SIRPA: variants seen among roughly 807,000 people sequenced by gnomAD.
SIRPA encodes signal regulatory protein alpha.
In SIRPA, 9 loss-of-function variants were observed where a neutral mutation model predicts 50.3. That is an observed-to-expected ratio of 0.18 (90% CI 0.11 to 0.31). The LOEUF (loss-of-function observed/expected upper bound fraction) is 0.31, where lower values mean the gene tolerates loss of function less well. SIRPA is among the 10% of genes least tolerant of loss of function. The pLI is 1.00. For missense variants in SIRPA, 474 were observed against 661.6 expected, an observed-to-expected ratio of 0.72 and a Z score of 3.11; for synonymous variants, 265 against 284.1, an observed-to-expected ratio of 0.93 and a Z score of 0.68.
chr20:1,937,536 G>C lies in SIRPA; in HGVS notation c.1483G>C (p.Glu495Gln). ...PAPKPEPSFS[E>Q]YASVQVPRK ...CCCCAAGCCTGAGCCGTCCTTCTCA[G>C]AGTACGCCAGCGTCCAGGTCCCGAG... is the stretch of plus-strand genomic sequence containing the variant. The change falls in exon 8 of 8, where the codon GAG becomes CAG. Residue 495 changes from glutamate to glutamine, a missense_variant. Physicochemically the swap from Glu to Gln is conservative, Grantham distance 29. Coordinates refer to ENST00000358771, the MANE Select transcript of SIRPA (RefSeq NM_001040023.2). The surrounding 1 kb of genome is among the most constrained non-coding windows in gnomAD (Gnocchi z 8.3). 2 of 1,614,160 alleles carry C rather than the reference G, an allele frequency of 1.2e-6. No homozygotes were observed. Among genetic ancestry groups the C allele is most frequent in the Non-Finnish European group, 1.7e-6 (2 of 1,180,034 alleles).
Position 1,932,806 on chromosome 20 carries a change from G to C in SIRPA, c.1227-1909G>C, listed in dbSNP as rs1986365311. 6.6e-6 allele frequency among the ~76,000 whole-genome samples: 1 copy of C among 152,086 alleles called. No homozygotes were observed. The highest frequency in any genetic ancestry group is 1.5e-5 in the Non-Finnish European group (1 of 68,028). On this transcript the variant is annotated intron_variant, in intron 6 of 7. Coordinates refer to ENST00000358771, the MANE Select transcript of SIRPA (RefSeq NM_001040023.2). This position sits in a 1 kb window ranked among gnomAD's most constrained non-coding sequence, Gnocchi z 6.0. ...GAGCCCTAGGTTGGATTAGATGAGA[G>C]CTGTAAAGGAAGAGAGAGAAGAATC...
intron 1 of SIRPA, among the ~76,000 whole-genome samples, chr20:1,913,356 A>G (rs530630985): frequency 6.6e-6 from 1 of 152,248 alleles, no homozygotes; most frequent in African/African-American, 2.4e-5. Context: ...GTGAGGGCAG[A>G]TAGGGGTCTG....
chr20:1,905,860 T>C (rs534996352), intron 1 of SIRPA, among the ~76,000 whole-genome samples: 8 of 152,344 alleles, frequency 5.3e-5, no homozygotes, highest in Admixed American at 5.2e-4. Flanking sequence ...AAATGCTCCA[T>C]AGGGCTCCCA....
intron 1 of SIRPA, among the ~76,000 whole-genome samples, chr20:1,904,001 G>A (rs1425287917): frequency 6.6e-6 from 1 of 152,136 alleles, no homozygotes. Context: ...CAGTAGGTGG[G>A]TTAATAGATA....
chr20:1,928,642 G>C lies in SIRPA; in HGVS notation c.1226+743G>C, dbSNP rs925869536. Among the ~76,000 whole-genome samples, 1 of 152,166 alleles carries C rather than the reference G, an allele frequency of 6.6e-6. No homozygotes were observed. Among genetic ancestry groups the C allele is most frequent in the African/African-American group, 2.4e-5 (1 of 41,426 alleles). ...AGGAGATGGAGGTGAATGGTGGGGG[G>C]CTGTCTTAGGCAGAGGAAGGGACTG... On this transcript the variant is annotated intron_variant, in intron 6 of 7. Coordinates refer to ENST00000358771, the MANE Select transcript of SIRPA (RefSeq NM_001040023.2). This position sits in a 1 kb window ranked among gnomAD's most constrained non-coding sequence, Gnocchi z 4.9.
intron 1 of SIRPA, among the ~76,000 whole-genome samples, chr20:1,913,402 T>C (rs1267480951): frequency 2.6e-5 from 4 of 152,164 alleles, no homozygotes; most frequent in Admixed American, 6.5e-5. Flanking sequence ...CCCCTGCCAG[T>C]GGGGTGGTGC....
chr20:1,918,360 C>CTT (rs60736526), intron 2 of SIRPA, among the ~76,000 whole-genome samples: 158 of 95,666 alleles, frequency 1.7e-3, no homozygotes, highest in Non-Finnish European at 2.5e-3. Flanking sequence ...ACCACACCAG[C>CTT]TTTTTTTTTT....
chr20:1,914,392 A>G (rs1192177472), intron 1 of SIRPA, among the ~76,000 whole-genome samples: 1 of 152,202 alleles, frequency 6.6e-6, no homozygotes, highest in Non-Finnish European at 1.5e-5. Context: ...CCTCCCAGAG[A>G]TCCATCGAGG....
intron 1 of SIRPA, among the ~76,000 whole-genome samples, chr20:1,909,442 C>G (rs6111933): frequency 0.021 from 3,274 of 152,326 alleles, 133 homozygotes; most frequent in African/African-American, 0.074. Context: ...TCCCCATCCC[C>G]GCCTCAAGCT....
rs1250737539 is a variant in SIRPA, at chr20:1,936,574, G to T, written c.1267-746G>T. On this transcript the variant is annotated intron_variant, in intron 7 of 7. Coordinates refer to ENST00000358771, the MANE Select transcript of SIRPA (RefSeq NM_001040023.2). This position sits in a 1 kb window ranked among gnomAD's most constrained non-coding sequence, Gnocchi z 4.2. Reference sequence around the variant, plus strand: ...TAACTGGCGATCTCGTTCTTATACTGCCCCTGTTCTCTGTCTCCCTGTCCC... The same window carrying T: ...TAACTGGCGATCTCGTTCTTATACTTCCCCTGTTCTCTGTCTCCCTGTCCC... Among the ~76,000 whole-genome samples the T allele has an allele frequency of 6.6e-6, 1 of 152,142 alleles. No homozygotes were observed. The highest frequency in any genetic ancestry group is 1.9e-4 in the East Asian group (1 of 5,188).
At chr20:1,925,654 A>G (rs6045459) in intron 5 of SIRPA, among the ~76,000 whole-genome samples, 2,969 of 152,312 alleles carry the variant, frequency 0.019, 70 homozygotes, top group African/African-American at 0.064. Context: ...CCCTGGTTAT[A>G]TACTGTAAAC....
Position 1,895,413 on chromosome 20 carries a change from G to A in SIRPA, c.-35G>A. On this transcript the variant is annotated 5_prime_UTR_variant, in exon 1 of 8. Transcript: ENST00000358771. Reference sequence around the variant, plus strand: ...TGCTCCCGCCCGAGCGCGCACTCACGGCCGCTCTCCCTCCTCGCTCCGCAG... The same window carrying A: ...TGCTCCCGCCCGAGCGCGCACTCACAGCCGCTCTCCCTCCTCGCTCCGCAG... 7.5e-7 allele frequency: 1 copy of A among 1,331,252 alleles called. No homozygotes were observed. Among genetic ancestry groups the A allele is most frequent in the Non-Finnish European group, 9.7e-7 (1 of 1,032,198 alleles). The allele number at this position is 1,331,252 out of a possible 1,614,324, so 82.5% of individuals were successfully genotyped here. A position where few individuals can be genotyped will look rare whatever the true frequency, so the allele number is the denominator to read the frequency against.
At chr20:1,901,984 T>C (rs552152934) in intron 1 of SIRPA, among the ~76,000 whole-genome samples, 1 of 152,164 alleles carries the variant, frequency 6.6e-6, no homozygotes, top group Non-Finnish European at 1.5e-5. Context: ...TGGAAGCCCG[T>C]GGTGGAAGGA....
At chr20:1,905,703 C>T (rs766962063) in intron 1 of SIRPA, among the ~76,000 whole-genome samples, 2 of 152,232 alleles carry the variant, frequency 1.3e-5, no homozygotes, top group Non-Finnish European at 2.9e-5. Context: ...TGTCCTCTAC[C>T]TGCTCTCTCA....
rs1329248265 is a variant in SIRPA at position 1,936,512 on chromosome 20, C to T, written c.1267-808C>T. Among the ~76,000 whole-genome samples, 4 of 152,174 alleles carry T rather than the reference C, an allele frequency of 2.6e-5. No homozygotes were observed. The highest frequency in any genetic ancestry group is 5.9e-5 in the Non-Finnish European group (4 of 68,036). ...CCCTGAGCTAGAACCAGGATTCAAACCCAGGCTTTCTGACTCCAGAACGTT... is the reference window on the plus strand; with the variant it reads ...CCCTGAGCTAGAACCAGGATTCAAATCCAGGCTTTCTGACTCCAGAACGTT... On this transcript the variant is annotated intron_variant, in intron 7 of 7. Coordinates refer to ENST00000358771, the MANE Select transcript of SIRPA (RefSeq NM_001040023.2). The surrounding 1 kb of genome is among the most constrained non-coding windows in gnomAD (Gnocchi z 4.2).
Position 1,927,643 on chromosome 20 carries a change from T to C in SIRPA, c.1202-232T>C, listed in dbSNP as rs1986059932. On this transcript the variant is annotated intron_variant, in intron 5 of 7. Transcript: ENST00000358771. This position sits in a 1 kb window ranked among gnomAD's most constrained non-coding sequence, Gnocchi z 6.5. ...AGGCTGAAGGCTGCTTTTGGACCCC[T>C]GGCAACTTCCAGAAGTGGAAAAGCA... 6.6e-6 allele frequency among the ~76,000 whole-genome samples: 1 copy of C among 152,170 alleles called. No homozygotes were observed. The highest frequency in any genetic ancestry group is 1.5e-5 in the Non-Finnish European group (1 of 68,026).
upstream of SIRPA, chr20:1,895,310 C>T: frequency 2.0e-6 from 1 of 507,526 alleles, no homozygotes. Flanking sequence ...CCGCTCCAGG[C>T]GCCCGTTCCG....
rs1162586749 is a variant in SIRPA, at chr20:1,928,123, T to C, written c.1226+224T>C. On this transcript the variant is annotated intron_variant, in intron 6 of 7. Transcript: ENST00000358771. The surrounding 1 kb of genome is among the most constrained non-coding windows in gnomAD (Gnocchi z 4.9). ...ACAGAGGTGCTAATTTCTTGCCTGC[T>C]CTTCCCAGACAACGAGACCCTTGTC... 2.0e-5 allele frequency among the ~76,000 whole-genome samples: 3 copies of C among 152,194 alleles called. No individual in the cohort carries two copies. Among genetic ancestry groups the C allele is most frequent in the Non-Finnish European group, 4.4e-5 (3 of 68,046 alleles).
At chr20:1,923,348 A>C (rs879864024) in intron 4 of SIRPA, among the ~76,000 whole-genome samples, 2 of 152,244 alleles carry the variant, frequency 1.3e-5, no homozygotes, top group Admixed American at 6.5e-5. Context: ...GGAATATTTC[A>C]TCACCTGTTA....
Sources: gnomAD v4.1 joint callset for allele counts (sites outside exome capture counted in the v4.1 genomes callset) on GRCh38, gnomAD v4.1.1 for gene constraint, Gnocchi (gnomAD v3.1) non-coding constraint, MANE v1.5 for transcripts, NCBI Gene and HGNC (gene_info 2026-07-23, HGNC 2026-07-21) for gene names.